Variants in DLGAP2 observed in about 807,000 individuals in gnomAD.
The protein encoded by DLGAP2 is DLG associated protein 2, also known as disks large-associated protein 2.
In DLGAP2, 26 loss-of-function variants were observed where a neutral mutation model predicts 100.3. The ratio of observed to expected loss-of-function variants is 0.26; its 90% CI spans 0.19 to 0.36. DLGAP2 has a LOEUF of 0.36. Among genes scored for constraint, DLGAP2 ranks in the 10% least tolerant of loss-of-function variants. The pLI is 1.00. For synonymous variants in DLGAP2, 886 were observed against 630.1 expected (o/e 1.41, Z -6.08); for missense variants, 1,858 against 1,453.2 (o/e 1.28, Z -4.53).
intron 2 of DLGAP2, among the ~76,000 whole-genome samples, chr8:1,097,042 C>G (rs1488792549): frequency 1.4e-5 from 2 of 142,688 alleles, no homozygotes; most frequent in South Asian, 2.3e-4. Flanking sequence ...CAGGCCTTCA[C>G]CCTATGTGGC....
chr8:1,456,997 C>T (rs1798335142), intron 3 of DLGAP2, among the ~76,000 whole-genome samples: 1 of 152,224 alleles, frequency 6.6e-6, no homozygotes, highest in South Asian at 2.1e-4. Flanking sequence ...TTAGCCTTTC[C>T]CGAGTTCAGA....
At chr8:1,516,930 T>C (rs1253337096) in intron 4 of DLGAP2, among the ~76,000 whole-genome samples, 2 of 152,182 alleles carry the variant, frequency 1.3e-5, no homozygotes, top group Admixed American at 6.5e-5. Context: ...CTTGAAACAA[T>C]AAAATACATA....
intron 3 of DLGAP2, among the ~76,000 whole-genome samples, chr8:1,359,044 G>A (rs907509062): frequency 5.9e-5 from 9 of 152,168 alleles, no homozygotes; most frequent in Non-Finnish European, 1.0e-4. Flanking sequence ...CTTCGGATTC[G>A]GCAGGTCGGG....
chr8:1,495,461 G>A (rs975889939), intron 3 of DLGAP2, among the ~76,000 whole-genome samples: 9 of 152,374 alleles, frequency 5.9e-5, no homozygotes, highest in East Asian at 1.9e-4. Context: ...CAGGGCAGCC[G>A]AGGCCAAGAG....
chr8:1,554,386 G>T (rs1801885383), intron 5 of DLGAP2, among the ~76,000 whole-genome samples: 1 of 152,208 alleles, frequency 6.6e-6, no homozygotes, highest in African/African-American at 2.4e-5. Context: ...CCGATCTGGG[G>T]TGGAACCTGA....
At chr8:835,856 G>A (rs763533115) in intron 1 of DLGAP2, among the ~76,000 whole-genome samples, 2 of 152,134 alleles carry the variant, frequency 1.3e-5, no homozygotes, top group East Asian at 3.9e-4. Flanking sequence ...TGTGGGTCCA[G>A]GCTCACCGTC....
intron 2 of DLGAP2, among the ~76,000 whole-genome samples, chr8:1,245,819 C>G (rs554003678): frequency 1.1e-4 from 17 of 152,296 alleles, no homozygotes; most frequent in African/African-American, 3.6e-4. Flanking sequence ...CAGAGGCAGA[C>G]ATACTTTGTG....
intron 3 of DLGAP2, among the ~76,000 whole-genome samples, chr8:1,355,457 C>T (rs369368910): frequency 2.0e-5 from 3 of 152,046 alleles, no homozygotes; most frequent in African/African-American, 2.4e-5. Context: ...CTCCACCTCC[C>T]GGGTTCAAGC....
chr8:1,471,601 C>T (rs1263391071), intron 3 of DLGAP2, among the ~76,000 whole-genome samples: 1 of 150,590 alleles, frequency 6.6e-6, no homozygotes, highest in Non-Finnish European at 1.5e-5. Flanking sequence ...CCTCCTCTCA[C>T]CTCCTGCCCA....
At chr8:1,627,814 C>G (rs1156991482) in intron 7 of DLGAP2, among the ~76,000 whole-genome samples, 1 of 151,724 alleles carries the variant, frequency 6.6e-6, no homozygotes, top group Non-Finnish European at 1.5e-5. Context: ...CACATTCTCT[C>G]TGACTTACTG....
At chr8:1,489,888 A>G (rs576342288) in intron 3 of DLGAP2, among the ~76,000 whole-genome samples, 2 of 152,132 alleles carry the variant, frequency 1.3e-5, no homozygotes. Context: ...TCCAAGATTA[A>G]GGCATATCAA....
At chr8:968,641 T>G (rs2129011793) in intron 2 of DLGAP2, among the ~76,000 whole-genome samples, 1 of 152,230 alleles carries the variant, frequency 6.6e-6, no homozygotes, top group Non-Finnish European at 1.5e-5. Flanking sequence ...TTGACCACCT[T>G]TATTTCCACT....
intron 2 of DLGAP2, among the ~76,000 whole-genome samples, chr8:958,852 G>A (rs1799657237): frequency 6.6e-6 from 1 of 152,214 alleles, no homozygotes; most frequent in South Asian, 2.1e-4. Context: ...TGATGGGACA[G>A]GAGACAGTTG....
chr8:774,399 C>T (rs1449775910), intron 1 of DLGAP2, among the ~76,000 whole-genome samples: 17 of 152,080 alleles, frequency 1.1e-4, no homozygotes, highest in African/African-American at 3.1e-4. Context: ...TTGCTTTTGG[C>T]GTTTTAGACA....
At chr8:1,489,284 C>T (rs1018070854) in intron 3 of DLGAP2, among the ~76,000 whole-genome samples, 1 of 152,200 alleles carries the variant, frequency 6.6e-6, no homozygotes, top group African/African-American at 2.4e-5. Flanking sequence ...AGCATGTCTT[C>T]CTCACTGTCT....
chr8:1,689,440 G>A (rs901927438), intron 12 of DLGAP2, among the ~76,000 whole-genome samples: 1 of 152,128 alleles, frequency 6.6e-6, no homozygotes, highest in Non-Finnish European at 1.5e-5. Flanking sequence ...TCTCGCCTCT[G>A]CGTTCAAGGG....
intron 1 of DLGAP2, among the ~76,000 whole-genome samples, chr8:788,076 A>G (rs909535534): frequency 6.6e-6 from 1 of 152,192 alleles, no homozygotes; most frequent in African/African-American, 2.4e-5. Context: ...GATCCCTCCC[A>G]TGGCAGCTAT....
intron 1 of DLGAP2, among the ~76,000 whole-genome samples, chr8:790,544 A>G (rs1380659590): frequency 1.3e-5 from 2 of 152,158 alleles, no homozygotes; most frequent in East Asian, 3.9e-4. Context: ...GAAAGGTGTG[A>G]GTAGTTGGCT....
chr8:1,214,745 A>C (rs543943808), intron 2 of DLGAP2, among the ~76,000 whole-genome samples: 1 of 152,226 alleles, frequency 6.6e-6, no homozygotes, highest in African/African-American at 2.4e-5. Context: ...CCTTAAGTCT[A>C]TGTAGAGTGA....
Sources: gnomAD v4.1 joint callset for allele counts (sites outside exome capture counted in the v4.1 genomes callset) on GRCh38, gnomAD v4.1.1 for gene constraint, MANE v1.5 for transcripts, NCBI Gene and HGNC (gene_info 2026-07-23, HGNC 2026-07-21) for gene names.